The following SYT16 variants were observed in gnomAD, a reference collection of about 807,000 sequenced individuals.
SYT16 encodes synaptotagmin 16.
In SYT16, 42 loss-of-function variants were observed where a neutral mutation model predicts 61.4. That is an observed-to-expected ratio of 0.68 (90% CI 0.53 to 0.89). The LOEUF is 0.89. SYT16 is among the 40% of genes least tolerant of loss of function. The pLI is 0.00. For missense variants in SYT16, 804 were observed against 807.3 expected (o/e 1.00, Z 0.05); for synonymous variants, 314 against 302.3 (o/e 1.04, Z -0.40).
intron 3 of SYT16, among the ~76,000 whole-genome samples, chr14:62,027,636 G>A (rs2054152046): frequency 6.6e-6 from 1 of 152,116 alleles, no homozygotes; most frequent in Non-Finnish European, 1.5e-5. Context: ...ACTCTCAGAG[G>A]TGACATATCA....
intron 3 of SYT16, among the ~76,000 whole-genome samples, chr14:62,023,032 T>C (rs2053971758): frequency 6.6e-6 from 1 of 152,214 alleles, no homozygotes; most frequent in Non-Finnish European, 1.5e-5. Flanking sequence ...GTTCTATTTC[T>C]GTTGACTGAT....
intron 1 of SYT16, among the ~76,000 whole-genome samples, chr14:61,939,936 T>C (rs1006514946): frequency 1.3e-5 from 2 of 152,180 alleles, no homozygotes; most frequent in African/African-American, 4.8e-5. Flanking sequence ...TCTAGGAGAA[T>C]TTAGGCTGAT....
chr14:61,992,998 G>A (rs1263117170), intron 2 of SYT16, among the ~76,000 whole-genome samples: 1 of 148,370 alleles, frequency 6.7e-6, no homozygotes, highest in Non-Finnish European at 1.5e-5. Context: ...TTGATGAACT[G>A]TCAATTTTTG....
intron 3 of SYT16, among the ~76,000 whole-genome samples, chr14:62,044,192 C>T (rs1363278581): frequency 6.7e-6 from 1 of 149,446 alleles, no homozygotes; most frequent in African/African-American, 2.5e-5. Context: ...AGAGCAAGAC[C>T]CTGTCTTTGA....
chr14:62,081,110 G>A lies in SYT16; in HGVS notation c.1270G>A (p.Glu424Lys), dbSNP rs1156566043. ...GGAGAAGGTCACCTTTGCCAAGCTG[G>A]AGCCCAGAGATGTGGCTGCCTGTGC... is the stretch of plus-strand genomic sequence containing the variant. ...FREKVTFAKL[E>K]PRDVAACAVR... The change falls in exon 6 of 8, where the codon GAG becomes AAG. Residue 424 changes from glutamate (E) to lysine (K), a missense_variant. Glu to Lys is a moderately conservative substitution (Grantham distance 56). Coordinates refer to ENST00000683842, the MANE Select transcript of SYT16 (RefSeq NM_001367656.1). 6.2e-7 allele frequency: 1 copy of A among 1,613,918 alleles called. No individual in the cohort carries two copies. Among genetic ancestry groups the A allele is most frequent in the East Asian group, 2.2e-5 (1 of 44,880 alleles).
intron 1 of SYT16, among the ~76,000 whole-genome samples, chr14:61,944,931 A>G (rs752575518): frequency 2.0e-5 from 3 of 152,366 alleles, no homozygotes; most frequent in Non-Finnish European, 2.9e-5. Context: ...AAAAGAAACT[A>G]TCATCAGAGT....
intron 3 of SYT16, among the ~76,000 whole-genome samples, chr14:62,021,263 C>A (rs1485126975): frequency 6.6e-6 from 1 of 151,998 alleles, no homozygotes; most frequent in Non-Finnish European, 1.5e-5. Flanking sequence ...TTGGAATTTG[C>A]CTAGTGGGCA....
chr14:62,061,851 G>A (rs2055840814), intron 3 of SYT16, among the ~76,000 whole-genome samples: 1 of 152,046 alleles, frequency 6.6e-6, no homozygotes, highest in Non-Finnish European at 1.5e-5. Context: ...AAAACAGCAA[G>A]TATATATATA....
intron 7 of SYT16, among the ~76,000 whole-genome samples, chr14:62,084,880 T>C (rs1270454448): frequency 6.6e-6 from 1 of 152,216 alleles, no homozygotes; most frequent in Admixed American, 6.5e-5. Flanking sequence ...TGGAGTTGTT[T>C]TGGAGTTTAA....
intron 3 of SYT16, among the ~76,000 whole-genome samples, chr14:62,027,268 G>T (rs1267723180): frequency 6.6e-6 from 1 of 152,122 alleles, no homozygotes; most frequent in South Asian, 2.1e-4. Context: ...ACCATGTTAT[G>T]TCTCTGATAG....
intron 3 of SYT16, among the ~76,000 whole-genome samples, chr14:62,006,085 A>G (rs1223404800): frequency 6.6e-6 from 1 of 151,882 alleles, no homozygotes; most frequent in Non-Finnish European, 1.5e-5. Flanking sequence ...AAAAGCTCTT[A>G]TTTCTCTTTC....
intron 2 of SYT16, among the ~76,000 whole-genome samples, chr14:61,991,116 C>T (rs1053147652): frequency 2.6e-5 from 4 of 151,988 alleles, no homozygotes; most frequent in Non-Finnish European, 4.4e-5. Flanking sequence ...TGTAAATCTT[C>T]CCAGGTCATG....
chr14:61,854,440 GCGCGTGCACA>G (rs1267057285), intron 1 of SYT16, among the ~76,000 whole-genome samples: 1 of 152,068 alleles, frequency 6.6e-6, no homozygotes, highest in African/African-American at 2.4e-5. Context: ...ACGCGCGCAC[GCGCGTGCACA>G]TGCTTATACC....
At chr14:62,058,237 C>T (rs573011395) in intron 3 of SYT16, among the ~76,000 whole-genome samples, 1 of 151,442 alleles carries the variant, frequency 6.6e-6, no homozygotes, top group East Asian at 1.9e-4. Flanking sequence ...CTTCTATGAA[C>T]ATTTGTAAGT....
intron 1 of SYT16, among the ~76,000 whole-genome samples, chr14:61,872,783 G>A (rs2047369733): frequency 6.6e-6 from 1 of 152,194 alleles, no homozygotes; most frequent in East Asian, 1.9e-4. Context: ...ACAGCTCATG[G>A]CTTCTCTTGT....
In SYT16 at chr14:62,038,414, G is replaced by A. The variant is rs375580630; in HGVS notation, c.524-31189G>A. On this transcript the variant is annotated intron_variant, in intron 3 of 7. Transcript: ENST00000683842. ...ATGCATGGGCCCTGGAGAAACCCCT[G>A]TCCACGTCCTGTTTAGAGCTGGCAG... Among the ~76,000 whole-genome samples, 3 of 151,890 alleles carry A rather than the reference G, an allele frequency of 2.0e-5. No individual in the cohort carries two copies. The South Asian group carries it at 6.2e-4, about 32-fold the overall frequency.
intron 1 of SYT16, among the ~76,000 whole-genome samples, chr14:61,919,181 C>A (rs1391978842): frequency 6.6e-6 from 1 of 152,192 alleles, no homozygotes; most frequent in Non-Finnish European, 1.5e-5. Context: ...TTGCTAGGCA[C>A]AAGAGCAGGT....
intron 1 of SYT16, among the ~76,000 whole-genome samples, chr14:61,839,778 A>G (rs1030072109): frequency 1.9e-4 from 29 of 152,130 alleles, no homozygotes; most frequent in African/African-American, 6.8e-4. Context: ...GTTGCATTAT[A>G]TTCCCATGCG....
At chr14:61,984,980 A>G (rs915688091) in intron 2 of SYT16, among the ~76,000 whole-genome samples, 2 of 152,104 alleles carry the variant, frequency 1.3e-5, no homozygotes, top group African/African-American at 4.8e-5. Context: ...ATCATGTACC[A>G]CTCATGTAAC....
Sources: allele counts gnomAD v4.1 joint callset (sites outside exome capture counted in the v4.1 genomes callset), GRCh38; gene constraint gnomAD v4.1.1; transcripts MANE v1.5; gene names NCBI Gene and HGNC (gene_info 2026-07-23, HGNC 2026-07-21).